Variants in EPHA6 observed in about 807,000 individuals in gnomAD.
The protein encoded by EPHA6 is EPH receptor A6, also known as ephrin type-A receptor 6.
EPHA6 carries 50 observed loss-of-function variants against 112.0 expected under a neutral mutation model. The observed-to-expected ratio is 0.45, with a 90% CI of 0.36 to 0.56. The LOEUF (loss-of-function observed/expected upper bound fraction) is 0.56, where lower values mean the gene tolerates loss of function less well. EPHA6 is among the 20% of genes least tolerant of loss of function. The pLI is 0.00. For synonymous variants in EPHA6, 529 were observed against 490.7 expected, an observed-to-expected ratio of 1.08 and a Z score of -1.03; for missense variants, 1,280 against 1,417.4, an observed-to-expected ratio of 0.90 and a Z score of 1.56.
chr3:97,502,167 C>CT (rs773321621), intron 10 of EPHA6, among the ~76,000 whole-genome samples: 9,466 of 124,236 alleles, frequency 0.076, 1,214 homozygotes, highest in African/African-American at 0.25. Flanking sequence ...TAACTACCTG[C>CT]TTTTTTTTTT....
intron 14 of EPHA6, among the ~76,000 whole-genome samples, chr3:97,680,728 A>G (rs1184384634): frequency 6.6e-6 from 1 of 152,172 alleles, no homozygotes; most frequent in Non-Finnish European, 1.5e-5. Context: ...TGTGGCACAA[A>G]CATTTTTTAA....
intron 3 of EPHA6, among the ~76,000 whole-genome samples, chr3:97,141,348 G>T (rs1430554752): frequency 2.6e-5 from 4 of 152,076 alleles, no homozygotes; most frequent in African/African-American, 9.7e-5. Flanking sequence ...GACATTTATA[G>T]AATGTTCTAC....
rs140546781 is a variant in EPHA6, at chr3:96,870,537, C to T, written c.450+3648C>T. Among the ~76,000 whole-genome samples the T allele has an allele frequency of 6.5e-3, 982 of 152,200 alleles. 7 individuals carry two copies. The highest frequency in any genetic ancestry group is 0.021 in the African/African-American group (886 of 41,546). ...TCTTCCAGAAACATCCTTACACACA[C>T]ACCTGGAAATAATGTTTTAGCAGTT... On this transcript the variant is annotated intron_variant, in intron 2 of 17. Coordinates refer to ENST00000389672, the MANE Select transcript of EPHA6 (RefSeq NM_001080448.3).
At chr3:96,940,504 G>T (rs1412547703) in intron 2 of EPHA6, among the ~76,000 whole-genome samples, 1 of 152,108 alleles carries the variant, frequency 6.6e-6, no homozygotes, top group East Asian at 1.9e-4. Flanking sequence ...CTGCACGTGA[G>T]ATGGGTTTCC....
chr3:97,411,092 A>G (rs1184619100), intron 6 of EPHA6, among the ~76,000 whole-genome samples: 1 of 151,960 alleles, frequency 6.6e-6, no homozygotes, highest in Admixed American at 6.6e-5. Context: ...TCCACCACAG[A>G]GAAATTAGAT....
At chr3:97,694,987 T>C (rs1205872715) in intron 14 of EPHA6, among the ~76,000 whole-genome samples, 4 of 152,110 alleles carry the variant, frequency 2.6e-5, no homozygotes, top group Non-Finnish European at 4.4e-5. Context: ...TCAAAATGTG[T>C]TTTTTTCCTG....
At chr3:96,932,783 G>GT (rs1266926774) in intron 2 of EPHA6, among the ~76,000 whole-genome samples, 2 of 152,054 alleles carry the variant, frequency 1.3e-5, no homozygotes, top group East Asian at 3.9e-4. Context: ...AAAATAGTGT[G>GT]TTTTTGTTTT....
At chr3:97,281,932 AG>A (rs1385780994) in intron 5 of EPHA6, among the ~76,000 whole-genome samples, 1 of 152,210 alleles carries the variant, frequency 6.6e-6, no homozygotes, top group Non-Finnish European at 1.5e-5. Context: ...AGAAAATGTT[AG>A]AAAATATCAC....
intron 3 of EPHA6, among the ~76,000 whole-genome samples, chr3:97,097,065 A>C (rs1449283373): frequency 6.6e-6 from 1 of 151,770 alleles, no homozygotes. Flanking sequence ...TTATCATTAA[A>C]GCAGTAATAT....
At chr3:97,208,936 A>G (rs777284466) in intron 3 of EPHA6, among the ~76,000 whole-genome samples, 8 of 152,196 alleles carry the variant, frequency 5.3e-5, no homozygotes, top group African/African-American at 1.9e-4. Context: ...ATTTTAAGTC[A>G]TATTGTAGTA....
intron 3 of EPHA6, among the ~76,000 whole-genome samples, chr3:97,213,855 G>A (rs1330728302): frequency 2.0e-5 from 3 of 152,120 alleles, no homozygotes; most frequent in Non-Finnish European, 4.4e-5. Context: ...GTAACTTGCA[G>A]TATATTTATG....
chr3:97,516,401 C>T (rs556450811), intron 10 of EPHA6, among the ~76,000 whole-genome samples: 2 of 152,244 alleles, frequency 1.3e-5, no homozygotes, highest in East Asian at 3.9e-4. Flanking sequence ...ATTAAAATAT[C>T]AATTCAGCTG....
intron 5 of EPHA6, among the ~76,000 whole-genome samples, chr3:97,381,854 A>C (rs965313494): frequency 6.6e-6 from 1 of 152,134 alleles, no homozygotes; most frequent in Non-Finnish European, 1.5e-5. Flanking sequence ...TCCTTTCACC[A>C]TTCAGAGTCC....
intron 10 of EPHA6, among the ~76,000 whole-genome samples, chr3:97,491,387 C>T (rs1220175885): frequency 6.6e-6 from 1 of 152,088 alleles, no homozygotes; most frequent in Non-Finnish European, 1.5e-5. Context: ...GATACTCAAG[C>T]AGTTTATTCT....
chr3:97,735,765 G>A (rs1312010584), intron 15 of EPHA6, among the ~76,000 whole-genome samples, 160 bp from the exon 16 acceptor site: 1 of 151,594 alleles, frequency 6.6e-6, no homozygotes, highest in Non-Finnish European at 1.5e-5. Context: ...TGCAATTTTT[G>A]TTCACAGCTT....
chr3:97,525,911 G>A (rs2092612777), intron 10 of EPHA6, among the ~76,000 whole-genome samples: 1 of 152,136 alleles, frequency 6.6e-6, no homozygotes, highest in Non-Finnish European at 1.5e-5. Context: ...GTGCAATGAT[G>A]GATATGGCTT....
intron 3 of EPHA6, among the ~76,000 whole-genome samples, chr3:97,147,554 T>A (rs1308946269): frequency 6.6e-6 from 1 of 152,114 alleles, no homozygotes; most frequent in Non-Finnish European, 1.5e-5. Flanking sequence ...GAAAATTGTA[T>A]TAAGTCTTTC....
intron 5 of EPHA6, among the ~76,000 whole-genome samples, chr3:97,342,969 T>C (rs1205528861): frequency 1.3e-5 from 2 of 152,206 alleles, no homozygotes; most frequent in Non-Finnish European, 2.9e-5. Context: ...AATAAATATG[T>C]AAAACTGTGG....
At chr3:97,296,700 G>T (rs2080886625) in intron 5 of EPHA6, among the ~76,000 whole-genome samples, 1 of 152,166 alleles carries the variant, frequency 6.6e-6, no homozygotes. Context: ...TGTTGTGAGG[G>T]GTAGCAGGAT....
Sources: gnomAD v4.1 joint callset for allele counts (sites outside exome capture counted in the v4.1 genomes callset) on GRCh38, gnomAD v4.1.1 for gene constraint, MANE v1.5 for transcripts, NCBI Gene and HGNC (gene_info 2026-07-23, HGNC 2026-07-21) for gene names.